Variants in SIPA1L2 observed in about 807,000 individuals in gnomAD.
SIPA1L2 encodes signal induced proliferation associated 1 like 2.
SIPA1L2 carries 56 observed loss-of-function variants against 163.9 expected under a neutral mutation model. The ratio of observed to expected loss-of-function variants is 0.34; its 90% CI spans 0.28 to 0.43. The LOEUF (loss-of-function observed/expected upper bound fraction) is 0.43. SIPA1L2 is among the 20% of genes least tolerant of loss of function. SIPA1L2 has a pLI of 1.00. For synonymous variants in SIPA1L2, 877 were observed against 865.7 expected, an observed-to-expected ratio of 1.01 and a Z score of -0.23; for missense variants, 1,974 against 2,193.5, an observed-to-expected ratio of 0.90 and a Z score of 2.00.
At chr1:232,628,896 C>T (rs912715722) in intron 1 of SIPA1L2, among the ~76,000 whole-genome samples, 2 of 151,708 alleles carry the variant, frequency 1.3e-5, no homozygotes, top group African/African-American at 4.9e-5. Context: ...TGAGAATCAC[C>T]AAGATTCTTT....
upstream of SIPA1L2, among the ~76,000 whole-genome samples, chr1:232,630,418 C>A (rs1558316473): frequency 6.6e-6 from 1 of 152,146 alleles, no homozygotes; most frequent in Non-Finnish European, 1.5e-5. Flanking sequence ...GCTCGAGGGC[C>A]GGGCAGCCTA....
At chr1:232,537,907 C>T (rs962328141) in intron 2 of SIPA1L2, among the ~76,000 whole-genome samples, 1 of 152,222 alleles carries the variant, frequency 6.6e-6, no homozygotes, top group African/African-American at 2.4e-5. Context: ...CTACCTCTAA[C>T]TATGATATTT....
intron 18 of SIPA1L2, among the ~76,000 whole-genome samples, chr1:232,422,333 CTTG>C (rs1433675217): frequency 5.3e-5 from 8 of 152,134 alleles, no homozygotes; most frequent in Non-Finnish European, 1.0e-4. Flanking sequence ...CCAAAATGAG[CTTG>C]TTAAGTATGA....
At position 232,398,935 on chromosome 1, in the gene SIPA1L2, C is replaced by T. The variant is rs187774688; in HGVS notation, c.*192G>A. ...GAGTTACATTCATTCATCTTCACAT[C>T]GGCGCTGCTCTCTGCCGTGGTTACC... is the stretch of plus-strand genomic sequence containing the variant. On this transcript the variant is annotated 3_prime_UTR_variant, in exon 23 of 23. Coordinates refer to ENST00000674635, the MANE Select transcript of SIPA1L2 (RefSeq NM_020808.5). The T allele has an allele frequency of 1.2e-3, 764 of 646,402 alleles. 12 individuals are homozygous for T. The highest frequency in any genetic ancestry group is 3.4e-4 in the Non-Finnish European group (131 of 390,976). The allele number at this position is 646,402 out of a possible 1,614,324, so 40.0% of individuals were successfully genotyped here. A position where few individuals can be genotyped will look rare whatever the true frequency, so the allele number is the denominator to read the frequency against.
intron 7 of SIPA1L2, among the ~76,000 whole-genome samples, chr1:232,476,904 C>T (rs1665075278): frequency 1.3e-5 from 2 of 152,192 alleles, no homozygotes; most frequent in Admixed American, 6.5e-5. Flanking sequence ...GTTACAGGCA[C>T]AATTCATGTA....
intron 3 of SIPA1L2, among the ~76,000 whole-genome samples, chr1:232,504,550 A>C (rs532735849): frequency 1.2e-3 from 183 of 152,298 alleles, no homozygotes; most frequent in African/African-American, 4.1e-3. Context: ...AAAGACAAAA[A>C]AAAAAAAGTA....
chr1:232,507,255 G>A (rs752725967), intron 3 of SIPA1L2, among the ~76,000 whole-genome samples: 7 of 151,172 alleles, frequency 4.6e-5, no homozygotes, highest in Non-Finnish European at 7.4e-5. Context: ...TTTGCAGAAT[G>A]TCCTTCATTT....
At chr1:232,493,794 G>T in intron 3 of SIPA1L2, 134 bp from the exon 4 acceptor site, 1 of 1,137,704 alleles carries the variant, frequency 8.8e-7, no homozygotes, top group Non-Finnish European at 1.2e-6. Flanking sequence ...CCTTGTATCT[G>T]TTTCATCAAG....
intron 1 of SIPA1L2, among the ~76,000 whole-genome samples, chr1:232,576,204 CTG>C (rs1380823611): frequency 3.3e-5 from 5 of 152,222 alleles, no homozygotes; most frequent in African/African-American, 4.8e-5. Flanking sequence ...TTTGCAGACA[CTG>C]TGTCTTTTAT....
At chr1:232,436,095 T>C (rs1662545855) in intron 15 of SIPA1L2, among the ~76,000 whole-genome samples, 1 of 152,184 alleles carries the variant, frequency 6.6e-6, no homozygotes, top group South Asian at 2.1e-4. Flanking sequence ...GAATGGTGGA[T>C]CCCACATTCC....
At chr1:232,552,304 C>G (rs1465249480) in intron 2 of SIPA1L2, among the ~76,000 whole-genome samples, 1 of 152,012 alleles carries the variant, frequency 6.6e-6, no homozygotes, top group Non-Finnish European at 1.5e-5. Context: ...TTTCTTAATT[C>G]TTAGGTAAAA....
intron 2 of SIPA1L2, among the ~76,000 whole-genome samples, chr1:232,562,825 T>A (rs1403605223): frequency 6.6e-6 from 1 of 152,220 alleles, no homozygotes; most frequent in Non-Finnish European, 1.5e-5. Flanking sequence ...ACGTGTTCAC[T>A]TTTTTCCCCT....
chr1:232,404,393 A>G (rs527487504), intron 19 of SIPA1L2, among the ~76,000 whole-genome samples: 2 of 152,276 alleles, frequency 1.3e-5, no homozygotes, highest in South Asian at 4.2e-4. Context: ...GGTACAACAA[A>G]GACATGTGGT....
chr1:232,617,895 T>G (rs1662585633), intron 1 of SIPA1L2, among the ~76,000 whole-genome samples: 1 of 151,612 alleles, frequency 6.6e-6, no homozygotes, highest in Admixed American at 6.6e-5. Context: ...CATGCCGAAG[T>G]GTTTAGTGAT....
intron 3 of SIPA1L2, among the ~76,000 whole-genome samples, chr1:232,509,149 G>A (rs898864506): frequency 5.3e-5 from 8 of 152,210 alleles, no homozygotes; most frequent in African/African-American, 7.2e-5. Context: ...CTGGGCAAGC[G>A]ATGTTGTCAC....
chr1:232,548,188 TGCTGGAGGCA>T (rs1658154084), intron 2 of SIPA1L2, among the ~76,000 whole-genome samples: 1 of 152,236 alleles, frequency 6.6e-6, no homozygotes, highest in Admixed American at 6.5e-5. Context: ...ATCATGAACA[TGCTGGAGGCA>T]GAGCCCAAAT....
intron 3 of SIPA1L2, among the ~76,000 whole-genome samples, chr1:232,494,068 AC>A (rs1488660954): frequency 6.6e-6 from 1 of 152,222 alleles, no homozygotes; most frequent in African/African-American, 2.4e-5. Context: ...GAATGAGGGC[AC>A]CAGAGATGAC....
intron 1 of SIPA1L2, among the ~76,000 whole-genome samples, chr1:232,591,310 C>T (rs1161037400): frequency 6.6e-6 from 1 of 152,262 alleles, no homozygotes; most frequent in African/African-American, 2.4e-5. Context: ...AGAAGATCAA[C>T]ACACACAGGT....
chr1:232,613,709 C>T (rs917885533), intron 1 of SIPA1L2, among the ~76,000 whole-genome samples: 7 of 152,010 alleles, frequency 4.6e-5, no homozygotes, highest in Non-Finnish European at 8.8e-5. Flanking sequence ...TATGTGTGTG[C>T]GTGTGTGTGT....
Sources: allele counts gnomAD v4.1 joint callset (sites outside exome capture counted in the v4.1 genomes callset), GRCh38; gene constraint gnomAD v4.1.1; transcripts MANE v1.5; gene names NCBI Gene and HGNC (gene_info 2026-07-23, HGNC 2026-07-21).